Variants in MYBL2 observed in about 807,000 individuals in gnomAD.
The protein encoded by MYBL2 is MYB proto-oncogene like 2, also known as myb-related protein B.
In MYBL2, 28 loss-of-function variants were observed where a neutral mutation model predicts 79.9. That is an observed-to-expected ratio of 0.35 (90% CI 0.26 to 0.48). The LOEUF (loss-of-function observed/expected upper bound fraction) is 0.48, where lower values mean the gene tolerates loss of function less well. Ranked by LOEUF, MYBL2 falls within the 20% of genes least tolerant of loss-of-function variation. The pLI is 0.99. For synonymous variants in MYBL2, 378 were observed against 361.2 expected, an observed-to-expected ratio of 1.05 and a Z score of -0.53; for missense variants, 735 against 893.9, an observed-to-expected ratio of 0.82 and a Z score of 2.27.
intron 1 of MYBL2, among the ~76,000 whole-genome samples, chr20:43,672,379 C>T (rs1168455932): frequency 1.4e-5 from 1 of 73,378 alleles, no homozygotes; most frequent in Admixed American, 1.3e-4. Context: ...TCCCTTGAGC[C>T]CAGGAGTTCA....
intron 6 of MYBL2, among the ~76,000 whole-genome samples, chr20:43,697,002 G>T (rs1987559650): frequency 6.6e-6 from 1 of 152,306 alleles, no homozygotes; most frequent in Non-Finnish European, 1.5e-5. Flanking sequence ...TGGGATTACA[G>T]GCGTGAGCCA....
At chr20:43,682,193 A>G (rs771444232) in intron 3 of MYBL2, among the ~76,000 whole-genome samples, 3 of 151,594 alleles carry the variant, frequency 2.0e-5, no homozygotes, top group African/African-American at 7.3e-5. Flanking sequence ...ACTGAGGGGA[A>G]GTGATGCTTT....
chr20:43,690,316 C>T (rs1345184924), intron 5 of MYBL2, among the ~76,000 whole-genome samples: 1 of 152,086 alleles, frequency 6.6e-6, no homozygotes. Flanking sequence ...AGCGATTCTC[C>T]TGCCTCAGCC....
Position 43,669,021 on chromosome 20 carries a change from G to A in MYBL2, c.20+1718G>A, listed in dbSNP as rs138424696. Among the ~76,000 whole-genome samples the A allele has an allele frequency of 7.6e-3, 1,163 of 152,184 alleles. 9 individuals carry two copies. The highest frequency in any genetic ancestry group is 0.026 in the African/African-American group (1,099 of 41,546). On this transcript the variant is annotated intron_variant, in intron 1 of 13. Transcript: ENST00000217026. ...TGGGACTATGGGCACACGCCGCCAC[G>A]CCTGGCTAATTTTTTGGATTTTTAG...
chr20:43,687,178 T>A, intron 5 of MYBL2, 106 bp downstream of exon 5: 1 of 1,196,468 alleles, frequency 8.4e-7, no homozygotes, highest in Non-Finnish European at 1.2e-6. Context: ...GCTCTTGTTC[T>A]GTAACACCCA....
chr20:43,668,650 G>C (rs1316694399), intron 1 of MYBL2, among the ~76,000 whole-genome samples: 1 of 149,718 alleles, frequency 6.7e-6, no homozygotes, highest in African/African-American at 2.5e-5. Context: ...TCCAGGAAGA[G>C]TTTTCTGTTC....
At position 43,702,668 on chromosome 20, in the gene MYBL2, C is replaced by T; in HGVS notation, c.1130C>T (p.Thr377Ile). 1 of 1,614,020 alleles carries T rather than the reference C, an allele frequency of 6.2e-7. No individual in the cohort carries two copies. The highest frequency in any genetic ancestry group is 2.2e-5 in the East Asian group (1 of 44,882). ...SVTEYRLDGHTISDLSRSSRG... is the reference protein window; with the variant it reads ...SVTEYRLDGHIISDLSRSSRG... Reference sequence around the variant, plus strand: ...ACCGAGTACCGCCTGGATGGCCACACCATCTCAGACCTGAGCCGGAGCAGC... The same window carrying T: ...ACCGAGTACCGCCTGGATGGCCACATCATCTCAGACCTGAGCCGGAGCAGC... Residue 377 changes from threonine to isoleucine, a missense_variant, in exon 8 of 14, where the codon ACC becomes ATC. Thr to Ile is a moderately conservative substitution (Grantham distance 89). Around this residue, in one of 5 missense-constraint regions of MYBL2, gnomAD observed 243 missense variants for 327.2 expected, o/e 0.74. Transcript: ENST00000217026.
intron 1 of MYBL2, among the ~76,000 whole-genome samples, chr20:43,671,652 A>G (rs949908727): frequency 2.6e-5 from 4 of 151,292 alleles, no homozygotes; most frequent in Non-Finnish European, 4.4e-5. Flanking sequence ...TTGTATTTTT[A>G]GTAGAGACGG....
intron 1 of MYBL2, among the ~76,000 whole-genome samples, chr20:43,671,991 C>T (rs898350542): frequency 1.1e-4 from 16 of 151,180 alleles, no homozygotes; most frequent in Middle Eastern, 3.4e-3. Flanking sequence ...GGGTGGATCA[C>T]GAGGTCAGGA....
chr20:43,670,156 T>C (rs1986823777), intron 1 of MYBL2, among the ~76,000 whole-genome samples: 1 of 152,218 alleles, frequency 6.6e-6, no homozygotes, highest in South Asian at 2.1e-4. Context: ...GGAGTGTCCA[T>C]GCAGACATCA....
chr20:43,686,473 T>C (rs1987275921), intron 4 of MYBL2, among the ~76,000 whole-genome samples: 1 of 152,226 alleles, frequency 6.6e-6, no homozygotes, highest in Non-Finnish European at 1.5e-5. Context: ...TAGTTTGGAC[T>C]CCGTGTGTGT....
intron 1 of MYBL2, among the ~76,000 whole-genome samples, chr20:43,670,489 A>T (rs1000128444): frequency 8.6e-5 from 13 of 152,044 alleles, no homozygotes; most frequent in Admixed American, 7.9e-4. Context: ...AGTATTTCTT[A>T]TTGACTAATA....
intron 2 of MYBL2, among the ~76,000 whole-genome samples, chr20:43,676,280 C>T (rs1987008082): frequency 1.3e-5 from 2 of 150,814 alleles, no homozygotes; most frequent in East Asian, 1.9e-4. Context: ...CCACCCTCCA[C>T]CCTCAAGTAG....
chr20:43,709,898 G>T, intron 9 of MYBL2, 65 bp from the exon 10 acceptor site: 1 of 1,340,688 alleles, frequency 7.5e-7, no homozygotes, highest in South Asian at 1.4e-5. Context: ...GTGGAGCCAG[G>T]GCAGCAGAGT....
At chr20:43,706,931 G>A (rs1216291878) in intron 9 of MYBL2, among the ~76,000 whole-genome samples, 1 of 151,118 alleles carries the variant, frequency 6.6e-6, no homozygotes, top group African/African-American at 2.4e-5. Context: ...GGTCAGGCTG[G>A]TCTCAAACTC....
chr20:43,693,019 C>T (rs1390063379), intron 6 of MYBL2, among the ~76,000 whole-genome samples: 1 of 152,050 alleles, frequency 6.6e-6, no homozygotes, highest in Non-Finnish European at 1.5e-5. Flanking sequence ...AATTAAAATC[C>T]TATAGTATTA....
chr20:43,706,060 A>G (rs950818614), intron 9 of MYBL2, among the ~76,000 whole-genome samples: 6 of 151,726 alleles, frequency 4.0e-5, no homozygotes, highest in Admixed American at 1.3e-4. Flanking sequence ...AACTGGCCTT[A>G]AAGTGATCTT....
At chr20:43,710,566 T>C (rs1275107260) in intron 10 of MYBL2, among the ~76,000 whole-genome samples, 2 of 152,194 alleles carry the variant, frequency 1.3e-5, no homozygotes, top group Non-Finnish European at 2.9e-5. Flanking sequence ...AAAAAGGAGT[T>C]GGCACCTTGG....
At chr20:43,673,577 C>T in intron 1 of MYBL2, 2 of 592,132 alleles carry the variant, frequency 3.4e-6, no homozygotes, top group Non-Finnish European at 3.2e-6. Context: ...TTCAAGGCTG[C>T]AGTGAGCTAC....
Sources: allele counts gnomAD v4.1 joint callset (sites outside exome capture counted in the v4.1 genomes callset), GRCh38; gene constraint gnomAD v4.1.1; regional missense constraint gnomAD v4.1.1; transcripts MANE v1.5; gene names NCBI Gene and HGNC (gene_info 2026-07-23, HGNC 2026-07-21).